TPTE2: variants seen among roughly 807,000 people sequenced by gnomAD.
The protein encoded by TPTE2 is transmembrane phosphoinositide 3-phosphatase and tensin homolog 2.
Under a neutral mutation model 78.6 loss-of-function variants are expected in TPTE2, and 53 were observed. The ratio of observed to expected loss-of-function variants is 0.67; its 90% CI spans 0.54 to 0.85. TPTE2 has a LOEUF of 0.85. TPTE2 is among the 40% of genes least tolerant of loss of function. The pLI, the probability that TPTE2 is intolerant of heterozygous loss-of-function variation, is 0.00. For missense variants in TPTE2, 461 were observed against 623.0 expected, an observed-to-expected ratio of 0.74 and a Z score of 2.77; for synonymous variants, 175 against 206.2, an observed-to-expected ratio of 0.85 and a Z score of 1.30.
chr13:19,528,649 A>G lies in TPTE2; in HGVS notation c.-44+7947T>C, dbSNP rs1378932431. On this transcript the variant is annotated intron_variant, in intron 1 of 17. Transcript: ENST00000390680. Reference sequence around the variant, plus strand: ...GCAGGAATTCCTACAGAGGGAAATTATTCCTCCAGTTCTCGCTAGCTCAGA... The same window carrying G: ...GCAGGAATTCCTACAGAGGGAAATTGTTCCTCCAGTTCTCGCTAGCTCAGA... 2.6e-5 allele frequency among the ~76,000 whole-genome samples: 4 copies of G among 152,218 alleles called. No individual in the cohort carries two copies. The East Asian group carries it at 7.7e-4, about 29-fold the overall frequency.
the TPTE2 span, among the ~76,000 whole-genome samples, chr13:19,546,564 A>T: frequency 7.0e-5 from 9 of 128,250 alleles, no homozygotes; most frequent in East Asian, 2.1e-3. Flanking sequence ...ATCTCAGCTC[A>T]CTGCAACCTC....
At chr13:19,477,289 A>G (rs888533004) in intron 4 of TPTE2, among the ~76,000 whole-genome samples, 14 of 151,770 alleles carry the variant, frequency 9.2e-5, no homozygotes, top group African/African-American at 3.4e-4. Context: ...ATGATGAAAT[A>G]ATATGTTAAA....
rs534475394 is a variant in TPTE2 at position 19,459,015 on chromosome 13, G to T, written c.741+5441C>A. Among the ~76,000 whole-genome samples the T allele has an allele frequency of 5.9e-5, 9 of 151,986 alleles. No individual in the cohort carries two copies. In the South Asian group the frequency reaches 1.9e-3, roughly 32 times the overall value. ...TGCCACACTGTCTTCCACATGGGTC[G>T]AACTAATTTACACACCCACCAACAG... On this transcript the variant is annotated intron_variant, in intron 10 of 19. Coordinates refer to ENST00000400230, the Ensembl canonical transcript of TPTE2.
chr13:19,551,510 C>T, the TPTE2 span, among the ~76,000 whole-genome samples: 27 of 151,962 alleles, frequency 1.8e-4, no homozygotes, highest in African/African-American at 4.8e-4. Context: ...TGCTTGAACC[C>T]GGGAGGCAAA....
intron 10 of TPTE2, among the ~76,000 whole-genome samples, chr13:19,458,066 T>C (rs147621077): frequency 0.011 from 1,622 of 152,232 alleles, 26 homozygotes; most frequent in African/African-American, 0.037. Flanking sequence ...CCAATATAAA[T>C]ATAAATATAA....
upstream of TPTE2, among the ~76,000 whole-genome samples, chr13:19,537,848 A>G (rs1593428292): frequency 1.3e-5 from 2 of 150,120 alleles, no homozygotes; most frequent in Admixed American, 6.6e-5. Context: ...CAGGTGATCC[A>G]CCTATCTCAG....
At chr13:19,445,560 T>C (rs1593358828) in intron 13 of TPTE2, among the ~76,000 whole-genome samples, 2 of 152,330 alleles carry the variant, frequency 1.3e-5, no homozygotes, top group African/African-American at 4.8e-5. Flanking sequence ...TCAAGATTCA[T>C]TACCCTAAGA....
intron 1 of TPTE2, among the ~76,000 whole-genome samples, chr13:19,523,745 A>C (rs987384952): frequency 6.6e-6 from 1 of 152,196 alleles, no homozygotes; most frequent in Non-Finnish European, 1.5e-5. Flanking sequence ...CAAAGGGATT[A>C]CAGGCATGAG....
the TPTE2 span, among the ~76,000 whole-genome samples, chr13:19,557,580 G>C: frequency 0.016 from 2,375 of 152,264 alleles, 66 homozygotes; most frequent in African/African-American, 0.055. Context: ...GTAAGTCCTA[G>C]TAAACTCATC....
chr13:19,432,586 G>C lies in TPTE2; in HGVS notation c.1117-8C>G. 1 of 1,565,404 alleles carries C rather than the reference G, an allele frequency of 6.4e-7. No homozygotes were observed. Among genetic ancestry groups the C allele is most frequent in the Non-Finnish European group, 8.7e-7 (1 of 1,143,606 alleles). ...ATATCCAACATATCTATTCTGAAAA[G>C]CAACAGAAATCTTCCTTTAAGTGGA... On this transcript the variant is annotated splice_polypyrimidine_tract_variant and splice_region_variant and intron_variant, in intron 15 of 19. Transcript: ENST00000400230.
At chr13:19,487,695 G>T (rs1280660115) in intron 3 of TPTE2, among the ~76,000 whole-genome samples, 1 of 152,110 alleles carries the variant, frequency 6.6e-6, no homozygotes, top group Non-Finnish European at 1.5e-5. Flanking sequence ...TGGGCTTGGT[G>T]TACTGAAGAT....
At chr13:19,558,096 G>A in the TPTE2 span, among the ~76,000 whole-genome samples, 4 of 152,290 alleles carry the variant, frequency 2.6e-5, no homozygotes, top group East Asian at 5.8e-4. Context: ...TTTATAAAAT[G>A]TCTAGACTGC....
At chr13:19,505,245 A>G (rs1024160679), upstream of TPTE2, among the ~76,000 whole-genome samples, 1 of 151,932 alleles carries the variant, frequency 6.6e-6, no homozygotes, top group Non-Finnish European at 1.5e-5. Flanking sequence ...GGTTCAAGCA[A>G]TTCTCCTTCC....
At chr13:19,484,055 C>A (rs533781061) in intron 3 of TPTE2, among the ~76,000 whole-genome samples, 12 of 151,744 alleles carry the variant, frequency 7.9e-5, no homozygotes, top group African/African-American at 2.9e-4. Flanking sequence ...CGATAGGTTG[C>A]TGAAAAAATG....
intron 4 of TPTE2, among the ~76,000 whole-genome samples, chr13:19,479,425 G>T (rs972327410): frequency 4.6e-4 from 70 of 152,076 alleles, no homozygotes; most frequent in African/African-American, 1.6e-3. Context: ...CTTCTGACTT[G>T]CATATCAATA....
upstream of TPTE2, among the ~76,000 whole-genome samples, chr13:19,537,661 G>A (rs1299762758): frequency 6.6e-6 from 1 of 151,210 alleles, no homozygotes; most frequent in Non-Finnish European, 1.5e-5. Context: ...GGAGTGCAGT[G>A]GTACTGTGTT....
intron 17 of TPTE2, among the ~76,000 whole-genome samples, chr13:19,429,378 T>C (rs954777866): frequency 1.3e-5 from 2 of 152,198 alleles, no homozygotes; most frequent in East Asian, 1.9e-4. Flanking sequence ...TTTAGGGGGC[T>C]GAGGCAAAGA....
the TPTE2 span, among the ~76,000 whole-genome samples, chr13:19,543,211 C>G: frequency 6.6e-6 from 1 of 151,996 alleles, no homozygotes; most frequent in Non-Finnish European, 1.5e-5. Context: ...GCCACCACAC[C>G]AGGCTAATTT....
chr13:19,499,208 T>C (rs546539967), intron 1 of TPTE2, among the ~76,000 whole-genome samples: 38 of 152,134 alleles, frequency 2.5e-4, no homozygotes, highest in Non-Finnish European at 4.7e-4. Flanking sequence ...TGGGACACTT[T>C]AACACCCCAC....
Sources: gnomAD v4.1 joint callset for allele counts (sites outside exome capture counted in the v4.1 genomes callset) on GRCh38, gnomAD v4.1.1 for gene constraint, MANE v1.5 for transcripts, NCBI Gene and HGNC (gene_info 2026-07-23, HGNC 2026-07-21) for gene names.